Variants in PIK3R1 observed in about 807,000 individuals in gnomAD.
PIK3R1 encodes phosphoinositide-3-kinase regulatory subunit 1.
Under a neutral mutation model 98.0 loss-of-function variants are expected in PIK3R1, and 29 were observed. The observed-to-expected ratio is 0.30, with a 90% CI of 0.22 to 0.40. PIK3R1 has a LOEUF of 0.40. PIK3R1 is among the 10% of genes least tolerant of loss of function. The pLI is 1.00. For missense variants in PIK3R1, 596 were observed against 872.7 expected (o/e 0.68, Z 3.99); for synonymous variants, 282 against 311.8 (o/e 0.90, Z 1.01).
chr5:68,254,760 C>T (rs745587373), intron 2 of PIK3R1, among the ~76,000 whole-genome samples: 2 of 151,766 alleles, frequency 1.3e-5, no homozygotes, highest in Non-Finnish European at 2.9e-5. Flanking sequence ...TACCCATAAT[C>T]GTGTTTCTTT....
chr5:68,242,196 T>A lies in PIK3R1; in HGVS notation c.334+15187T>A, dbSNP rs1371883669. On this transcript the variant is annotated intron_variant, in intron 2 of 15. Transcript: ENST00000521381. ...TTATAGCAATTCCAACCTAGAAAAA[T>A]GTTTGTGTTTTAATTGATGGGTTAG... Among the ~76,000 whole-genome samples, 3 of 152,070 alleles carry A rather than the reference T, an allele frequency of 2.0e-5. No individual in the cohort carries two copies. The East Asian group carries it at 5.8e-4, about 29-fold the overall frequency.
At chr5:68,292,165 A>T (rs1477659630) in intron 7 of PIK3R1, 94 bp from the exon 8 acceptor site, 5 of 707,002 alleles carry the variant, frequency 7.1e-6, no homozygotes, top group African/African-American at 3.6e-5. Flanking sequence ...AGTTACTCTA[A>T]CTTTTTATTT....
rs1012694416 is a variant in PIK3R1, at chr5:68,218,969, A to C, written c.-387+3020A>C. 3.9e-5 allele frequency among the ~76,000 whole-genome samples: 6 copies of C among 152,266 alleles called. 1 individual carries two copies. On this transcript the variant is annotated intron_variant, in intron 1 of 15. Coordinates refer to ENST00000521381, the MANE Select transcript of PIK3R1 (RefSeq NM_181523.3). ...ATTTTCCCATGCCTCCTTTACGTAC[A>C]CCCTAATGCCCTAATGTGATTACTT...
At chr5:68,241,198 TAAG>T in intron 2 of PIK3R1, among the ~76,000 whole-genome samples, 1 of 152,044 alleles carries the variant, frequency 6.6e-6, no homozygotes, top group Admixed American at 6.5e-5. Flanking sequence ...TAATAGTAAT[TAAG>T]GCCTCCTAAA....
intron 12 of PIK3R1, among the ~76,000 whole-genome samples, chr5:68,294,880 C>T (rs1747611953): frequency 2.0e-5 from 3 of 151,738 alleles, no homozygotes; most frequent in South Asian, 4.2e-4. Flanking sequence ...TTAGTGGGTG[C>T]GGCGCACCAG....
At chr5:68,216,313 G>A (rs965219447) in intron 1 of PIK3R1, among the ~76,000 whole-genome samples, 1 of 152,210 alleles carries the variant, frequency 6.6e-6, no homozygotes, top group South Asian at 2.1e-4. Context: ...CCCCGCTGTC[G>A]CCTTGCTGCA....
intron 2 of PIK3R1, among the ~76,000 whole-genome samples, chr5:68,261,742 C>A (rs1419829636): frequency 2.6e-5 from 4 of 152,162 alleles, no homozygotes; most frequent in African/African-American, 9.7e-5. Context: ...CAAAAAACAT[C>A]TGTTGTTTTA....
chr5:68,248,577 C>T (rs996090272), intron 2 of PIK3R1, among the ~76,000 whole-genome samples: 10 of 152,016 alleles, frequency 6.6e-5, no homozygotes, highest in South Asian at 2.1e-4. Context: ...TTTTTCTTTA[C>T]GTCTGTTCAT....
intron 4 of PIK3R1, among the ~76,000 whole-genome samples, chr5:68,277,867 C>G (rs1746645732): frequency 6.6e-6 from 1 of 152,172 alleles, no homozygotes; most frequent in Non-Finnish European, 1.5e-5. Flanking sequence ...AGCAGCACTC[C>G]CTTCCAATTT....
intron 7 of PIK3R1, among the ~76,000 whole-genome samples, chr5:68,286,823 T>C (rs913103972): frequency 2.0e-5 from 3 of 152,218 alleles, no homozygotes; most frequent in African/African-American, 7.2e-5. Context: ...CAGACAGGTA[T>C]GCTTAGGAGA....
chr5:68,219,460 T>G (rs1057512636), intron 1 of PIK3R1, among the ~76,000 whole-genome samples: 11 of 152,212 alleles, frequency 7.2e-5, no homozygotes, highest in African/African-American at 2.7e-4. Context: ...GATGTCCCAG[T>G]GTCCCAGCCT....
chr5:68,257,428 G>C (rs1745562974), intron 2 of PIK3R1, among the ~76,000 whole-genome samples: 1 of 151,954 alleles, frequency 6.6e-6, no homozygotes, highest in Non-Finnish European at 1.5e-5. Flanking sequence ...GTTTAATGTT[G>C]TTCTTTTTAC....
At chr5:68,233,973 G>A (rs1744575475) in intron 2 of PIK3R1, among the ~76,000 whole-genome samples, 1 of 152,140 alleles carries the variant, frequency 6.6e-6, no homozygotes. Context: ...AGATTATTCT[G>A]TCCTGTCACA....
At chr5:68,223,598 A>G (rs1034860909) in intron 1 of PIK3R1, among the ~76,000 whole-genome samples, 1 of 152,208 alleles carries the variant, frequency 6.6e-6, no homozygotes, top group Non-Finnish European at 1.5e-5. Context: ...AGTTCTGCAC[A>G]GGGTTCTTCT....
intron 2 of PIK3R1, among the ~76,000 whole-genome samples, chr5:68,262,396 A>ATG (rs1745796326): frequency 3.2e-5 from 4 of 124,090 alleles, no homozygotes; most frequent in Non-Finnish European, 6.5e-5. Flanking sequence ...TTATATATAT[A>ATG]TATATATACA....
At chr5:68,245,194 C>G (rs1745035783) in intron 2 of PIK3R1, among the ~76,000 whole-genome samples, 1 of 152,154 alleles carries the variant, frequency 6.6e-6, no homozygotes, top group African/African-American at 2.4e-5. Flanking sequence ...AAAACTTGAA[C>G]TACATAAGTA....
At chr5:68,271,745 T>C (rs558274039) in intron 2 of PIK3R1, among the ~76,000 whole-genome samples, 42 of 152,342 alleles carry the variant, frequency 2.8e-4, no homozygotes, top group African/African-American at 1.0e-3. Flanking sequence ...ATAGCTCTTC[T>C]CTTTTTATCC....
In PIK3R1 at chr5:68,279,809, A is replaced by G. The variant is rs534867057; in HGVS notation, c.634+76A>G. 7.9e-5 allele frequency: 113 copies of G among 1,426,022 alleles called. 4 individuals are homozygous for G. The South Asian group carries it at 1.3e-3, about 16-fold the overall frequency. The allele number at this position is 1,426,022 out of a possible 1,614,324, so 88.3% of individuals were successfully genotyped here. Reference sequence around the variant, plus strand: ...AGGTGCTTGTATATGTCTTGCATATATAGAAATAGTGGTTAGAAAATAGTA... The same window carrying G: ...AGGTGCTTGTATATGTCTTGCATATGTAGAAATAGTGGTTAGAAAATAGTA... On this transcript the variant is annotated intron_variant, in intron 5 of 15. Transcript: ENST00000521381.
At chr5:68,278,012 T>G (rs1435285662) in intron 4 of PIK3R1, among the ~76,000 whole-genome samples, 1 of 152,136 alleles carries the variant, frequency 6.6e-6, no homozygotes, top group Non-Finnish European at 1.5e-5. Context: ...TGTACATCCT[T>G]CAGCAGCAGC....
Sources: allele counts gnomAD v4.1 joint callset (sites outside exome capture counted in the v4.1 genomes callset), GRCh38; gene constraint gnomAD v4.1.1; transcripts MANE v1.5; gene names NCBI Gene and HGNC (gene_info 2026-07-23, HGNC 2026-07-21).